Variants in CSMD1 observed in about 807,000 individuals in gnomAD.
CSMD1 encodes the protein CUB and sushi domain-containing protein 1.
Under a neutral mutation model 417.5 loss-of-function variants are expected in CSMD1, and 213 were observed. The ratio of observed to expected loss-of-function variants is 0.51; its 90% CI spans 0.46 to 0.57. The LOEUF is 0.57. CSMD1 is among the 20% of genes least tolerant of loss of function. The pLI, the probability that CSMD1 is intolerant of heterozygous loss-of-function variation, is 0.00. For synonymous variants in CSMD1, 2,862 were observed against 1,736.8 expected, an observed-to-expected ratio of 1.65 and a Z score of -16.11; for missense variants, 6,923 against 4,529.7, an observed-to-expected ratio of 1.53 and a Z score of -15.17.
intron 2 of CSMD1, among the ~76,000 whole-genome samples, chr8:4,496,608 A>AT (rs1190045026): frequency 3.9e-5 from 6 of 151,914 alleles, no homozygotes; most frequent in African/African-American, 1.5e-4. Context: ...TGTTATTGTT[A>AT]TTCCTGGTTT....
intron 7 of CSMD1, among the ~76,000 whole-genome samples, chr8:3,646,343 A>G (rs1797571047): frequency 6.6e-6 from 1 of 152,192 alleles, no homozygotes; most frequent in African/African-American, 2.4e-5. Context: ...AACATTGAAT[A>G]TTTTTATATG....
chr8:4,732,680 T>C (rs1159033622), intron 1 of CSMD1, among the ~76,000 whole-genome samples: 2 of 152,136 alleles, frequency 1.3e-5, no homozygotes, highest in Non-Finnish European at 2.9e-5. Context: ...GCCCCAGCTG[T>C]ATCCTTGCTC....
chr8:4,195,362 T>C (rs981261924), intron 3 of CSMD1, among the ~76,000 whole-genome samples: 5 of 152,286 alleles, frequency 3.3e-5, no homozygotes, highest in African/African-American at 9.6e-5. Flanking sequence ...CCCTAACAAA[T>C]TGGATCTTCT....
chr8:3,502,879 A>G (rs28580816), intron 10 of CSMD1, among the ~76,000 whole-genome samples: 9,425 of 152,202 alleles, frequency 0.062, 317 homozygotes, highest in Middle Eastern at 0.099. Flanking sequence ...AGCATGAATC[A>G]ATGTTCATCA....
chr8:3,464,756 A>G (rs1198289916), intron 12 of CSMD1, among the ~76,000 whole-genome samples: 1 of 152,052 alleles, frequency 6.6e-6, no homozygotes, highest in Non-Finnish European at 1.5e-5. Flanking sequence ...CTCTATCATA[A>G]TTAATTTACA....
chr8:4,775,933 T>C (rs1199218110), intron 1 of CSMD1, among the ~76,000 whole-genome samples: 1 of 152,146 alleles, frequency 6.6e-6, no homozygotes, highest in Non-Finnish European at 1.5e-5. Flanking sequence ...CATCCTGAAT[T>C]AGTCAAGGCA....
chr8:3,400,121 C>T (rs1055469357), intron 15 of CSMD1, among the ~76,000 whole-genome samples: 4 of 152,074 alleles, frequency 2.6e-5, no homozygotes, highest in Non-Finnish European at 5.9e-5. Flanking sequence ...TTTGTAATTG[C>T]AAAGGAGAAA....
chr8:4,110,579 A>T (rs1446611483), intron 3 of CSMD1, among the ~76,000 whole-genome samples: 1 of 152,172 alleles, frequency 6.6e-6, no homozygotes, highest in East Asian at 1.9e-4. Flanking sequence ...TTTAATTTTT[A>T]AACAGATTTC....
intron 3 of CSMD1, among the ~76,000 whole-genome samples, chr8:4,114,571 G>T (rs373718638): frequency 9.7e-6 from 1 of 103,190 alleles, no homozygotes; most frequent in Non-Finnish European, 2.1e-5. Flanking sequence ...AAATGCATAA[G>T]TCTATAGCTT....
At position 3,712,200 on chromosome 8, in the gene CSMD1, C is replaced by T. The variant is rs544162561; in HGVS notation, c.932-3709G>A. Among the ~76,000 whole-genome samples the T allele has an allele frequency of 6.6e-5, 10 of 152,182 alleles. No individual in the cohort carries two copies. In the East Asian group the frequency reaches 7.7e-4, roughly 12 times the overall value. ...TGGACAGCTCTGCTAATCTTGGCAA[C>T]GTTGTACAAAAAGGGAAGGTGACTT... On this transcript the variant is annotated intron_variant, in intron 6 of 69. Transcript: ENST00000635120.
At chr8:3,201,331 G>T (rs1288384814) in intron 32 of CSMD1, among the ~76,000 whole-genome samples, 2 of 152,078 alleles carry the variant, frequency 1.3e-5, no homozygotes, top group African/African-American at 4.8e-5. Context: ...GATGATAGTT[G>T]ATTATCCCAC....
chr8:3,614,757 T>C (rs147092547), intron 8 of CSMD1, among the ~76,000 whole-genome samples: 198 of 152,346 alleles, frequency 1.3e-3, no homozygotes, highest in African/African-American at 4.6e-3. Context: ...TAGATGAGTT[T>C]CTTTGTGCCA....
At chr8:3,275,774 C>G (rs1305273393) in intron 26 of CSMD1, among the ~76,000 whole-genome samples, 1 of 152,184 alleles carries the variant, frequency 6.6e-6, no homozygotes, top group Non-Finnish European at 1.5e-5. Flanking sequence ...TGGTTTTCAG[C>G]TCCATCAGCT....
At chr8:3,003,441 CTG>C (rs1807589429) in intron 52 of CSMD1, among the ~76,000 whole-genome samples, 1 of 152,170 alleles carries the variant, frequency 6.6e-6, no homozygotes, top group Non-Finnish European at 1.5e-5. Flanking sequence ...TGCTTCTCTG[CTG>C]TGTCTCTACC....
chr8:3,141,852 C>A lies in CSMD1; in HGVS notation c.6241+613G>T, dbSNP rs527260825. Among the ~76,000 whole-genome samples the A allele has an allele frequency of 4.1e-3, 616 of 149,876 alleles. 5 individuals carry two copies. Among genetic ancestry groups the A allele is most frequent in the African/African-American group, 0.014 (584 of 40,820 alleles). Reference sequence around the variant, plus strand: ...TGGCTCTGTCGCCCAGGCTGGAGTGCAGTGGCGCGATCTCTCCTCACTGCA... The same window carrying A: ...TGGCTCTGTCGCCCAGGCTGGAGTGAAGTGGCGCGATCTCTCCTCACTGCA... On this transcript the variant is annotated intron_variant, in intron 41 of 69. Transcript: ENST00000635120.
chr8:4,207,619 C>T (rs565077029), intron 3 of CSMD1, among the ~76,000 whole-genome samples: 1 of 152,082 alleles, frequency 6.6e-6, no homozygotes, highest in Non-Finnish European at 1.5e-5. Context: ...AGACTGGCAA[C>T]ATTTTCATTA....
chr8:3,232,157 G>C (rs1006925695), intron 26 of CSMD1, among the ~76,000 whole-genome samples: 13 of 152,160 alleles, frequency 8.5e-5, no homozygotes, highest in African/African-American at 3.1e-4. Context: ...CACTTCAGGG[G>C]AAGTCACTTT....
chr8:3,574,654 G>C (rs1213195726), intron 10 of CSMD1, among the ~76,000 whole-genome samples: 4 of 152,138 alleles, frequency 2.6e-5, no homozygotes, highest in African/African-American at 9.7e-5. Context: ...TAGTGGATGA[G>C]ACCTGAGTTG....
chr8:3,410,362 A>G (rs1812608628), intron 12 of CSMD1, among the ~76,000 whole-genome samples: 1 of 152,212 alleles, frequency 6.6e-6, no homozygotes. Context: ...ATGGGGCTGG[A>G]TATGATTTGG....
Sources: gnomAD v4.1 joint callset for allele counts (sites outside exome capture counted in the v4.1 genomes callset) on GRCh38, gnomAD v4.1.1 for gene constraint, MANE v1.5 for transcripts, NCBI Gene and HGNC (gene_info 2026-07-23, HGNC 2026-07-21) for gene names.